ERC2: variants seen among roughly 807,000 people sequenced by gnomAD.
ERC2 encodes ELKS/RAB6-interacting/CAST family member 2.
In ERC2, 42 loss-of-function variants were observed where a neutral mutation model predicts 114.8. That is an observed-to-expected ratio of 0.37 (90% CI 0.29 to 0.47). The LOEUF (loss-of-function observed/expected upper bound fraction) is 0.47. ERC2 is among the 20% of genes least tolerant of loss of function. The pLI is 0.99. For synonymous variants in ERC2, 454 were observed against 425.5 expected, an observed-to-expected ratio of 1.07 and a Z score of -0.82; for missense variants, 939 against 1,150.7, an observed-to-expected ratio of 0.82 and a Z score of 2.66.
At position 56,357,326 on chromosome 3, in the gene ERC2, C is replaced by T. The variant is rs564517429; in HGVS notation, c.658-60891G>A. 4.6e-5 allele frequency among the ~76,000 whole-genome samples: 7 copies of T among 152,312 alleles called. No homozygotes were observed. In the East Asian group the frequency reaches 1.4e-3, roughly 29 times the overall value. On this transcript the variant is annotated intron_variant, in intron 2 of 17. Transcript: ENST00000288221. ...CAACAATCCTTACACAAGGCAGAGG[C>T]CATTAATTTCTATTCTCACGTGAGC...
chr3:55,824,119 G>T (rs1032607253), intron 14 of ERC2, among the ~76,000 whole-genome samples: 1 of 152,266 alleles, frequency 6.6e-6, no homozygotes, highest in South Asian at 2.1e-4. Context: ...GGGCCCTCCT[G>T]AACAAGCTAA....
In ERC2 at chr3:55,692,952, C is replaced by G. The variant is rs1292702176; in HGVS notation, c.2847+6426G>C. Among the ~76,000 whole-genome samples the G allele has an allele frequency of 5.3e-5, 8 of 152,048 alleles. No homozygotes were observed. The East Asian group carries it at 1.5e-3, about 29-fold the overall frequency. ...AACCAAGAAATTTGATGGCTTATGGCAAAACAACATGTGTCCCAAGTAGAA... is the reference window on the plus strand; with the variant it reads ...AACCAAGAAATTTGATGGCTTATGGGAAAACAACATGTGTCCCAAGTAGAA... On this transcript the variant is annotated intron_variant, in intron 16 of 17. Transcript: ENST00000288221.
At chr3:56,362,509 A>G (rs2058996495) in intron 2 of ERC2, among the ~76,000 whole-genome samples, 1 of 152,202 alleles carries the variant, frequency 6.6e-6, no homozygotes, top group Non-Finnish European at 1.5e-5. Flanking sequence ...GGAAAGAGAT[A>G]AGGAGAAGTA....
intron 17 of ERC2, among the ~76,000 whole-genome samples, chr3:55,521,398 C>A (rs917367130): frequency 2.0e-5 from 3 of 152,212 alleles, no homozygotes; most frequent in African/African-American, 7.2e-5. Context: ...AGGCATTTGA[C>A]CTTGTTTCTC....
chr3:55,678,224 G>A (rs377484581), intron 17 of ERC2, among the ~76,000 whole-genome samples: 1 of 152,200 alleles, frequency 6.6e-6, no homozygotes, highest in Admixed American at 6.5e-5. Context: ...AAAACACCTC[G>A]TAGCTACTTC....
chr3:56,336,667 G>A (rs1009023130), intron 2 of ERC2, among the ~76,000 whole-genome samples: 22 of 152,062 alleles, frequency 1.4e-4, no homozygotes, highest in African/African-American at 4.1e-4. Flanking sequence ...GGTGGCAGGC[G>A]CCTGTAATCC....
intron 5 of ERC2, among the ~76,000 whole-genome samples, chr3:56,146,993 A>G (rs1044574739): frequency 6.6e-6 from 1 of 152,216 alleles, no homozygotes; most frequent in Admixed American, 6.5e-5. Context: ...TGTTTTATTC[A>G]CCTGGACAGA....
chr3:56,257,366 TG>T (rs1279254940), intron 3 of ERC2, among the ~76,000 whole-genome samples: 1 of 152,232 alleles, frequency 6.6e-6, no homozygotes, highest in African/African-American at 2.4e-5. Flanking sequence ...TAATGCATCA[TG>T]GTTACAGTCT....
At chr3:55,797,715 CAT>C (rs984378535) in intron 14 of ERC2, among the ~76,000 whole-genome samples, 6 of 151,990 alleles carry the variant, frequency 3.9e-5, no homozygotes, top group African/African-American at 1.4e-4. Context: ...GCATATTATG[CAT>C]ATATATATTA....
Position 56,164,490 on chromosome 3 carries a change from A to G in ERC2, c.1149+8956T>C, listed in dbSNP as rs559489195. ...GATATGCCATATTTTGTTTCTTCAT[A>G]TATCAGATGATAGACATTTGGGTTG... On this transcript the variant is annotated intron_variant, in intron 4 of 17. Coordinates refer to ENST00000288221, the MANE Select transcript of ERC2 (RefSeq NM_015576.3). 1.4e-4 allele frequency among the ~76,000 whole-genome samples: 21 copies of G among 152,214 alleles called. No homozygotes were observed. The South Asian group carries it at 3.9e-3, about 29-fold the overall frequency.
intron 17 of ERC2, among the ~76,000 whole-genome samples, chr3:55,649,750 G>T (rs1358529667): frequency 6.6e-6 from 1 of 152,132 alleles, no homozygotes; most frequent in East Asian, 1.9e-4. Context: ...ATGGAGCCAG[G>T]GCACCCCCGT....
At chr3:56,223,227 G>C (rs1273060341) in intron 3 of ERC2, among the ~76,000 whole-genome samples, 3 of 152,176 alleles carry the variant, frequency 2.0e-5, no homozygotes, top group African/African-American at 7.2e-5. Context: ...TTGAAAACCA[G>C]GAATAGAGCA....
chr3:56,122,465 A>T (rs549515962), intron 6 of ERC2, among the ~76,000 whole-genome samples: 39 of 152,166 alleles, frequency 2.6e-4, no homozygotes, highest in African/African-American at 6.0e-4. Flanking sequence ...CCTTAAAAAA[A>T]TTTTTTTTGA....
At chr3:55,539,366 T>C (rs1005542463) in intron 17 of ERC2, among the ~76,000 whole-genome samples, 1 of 151,390 alleles carries the variant, frequency 6.6e-6, no homozygotes, top group African/African-American at 2.4e-5. Flanking sequence ...ACGTATTTTC[T>C]TTTCTTTTAT....
At chr3:55,986,105 T>C in intron 11 of ERC2, 117 bp from the exon 12 acceptor site, 1 of 975,722 alleles carries the variant, frequency 1.0e-6, no homozygotes, top group Non-Finnish European at 1.6e-6. Context: ...CCAACAGATG[T>C]TATATCAGCA....
At chr3:56,354,512 A>G (rs1352399947) in intron 2 of ERC2, among the ~76,000 whole-genome samples, 1 of 152,172 alleles carries the variant, frequency 6.6e-6, no homozygotes, top group Non-Finnish European at 1.5e-5. Context: ...TGCACAGGGC[A>G]GTCCCCCATA....
At chr3:55,710,302 C>A (rs570943696) in intron 15 of ERC2, among the ~76,000 whole-genome samples, 37 of 152,274 alleles carry the variant, frequency 2.4e-4, no homozygotes, top group African/African-American at 8.4e-4. Context: ...TCTCTCAGTA[C>A]ATGAACATGA....
intron 12 of ERC2, among the ~76,000 whole-genome samples, chr3:55,981,661 G>A (rs962175691): frequency 3.3e-5 from 5 of 152,152 alleles, no homozygotes; most frequent in East Asian, 3.9e-4. Context: ...GAAAGTGAGA[G>A]AAGTTCAGAT....
chr3:55,513,943 T>G (rs1360298585), intron 17 of ERC2, among the ~76,000 whole-genome samples: 1 of 152,190 alleles, frequency 6.6e-6, no homozygotes, highest in Non-Finnish European at 1.5e-5. Flanking sequence ...CCTACCAGTT[T>G]AGAGAGTACC....
Sources: allele counts gnomAD v4.1 joint callset (sites outside exome capture counted in the v4.1 genomes callset), GRCh38; gene constraint gnomAD v4.1.1; transcripts MANE v1.5; gene names NCBI Gene and HGNC (gene_info 2026-07-23, HGNC 2026-07-21).